Variants in HECTD2 observed in about 807,000 individuals in gnomAD.
HECTD2 encodes the protein HECT domain E3 ubiquitin protein ligase 2.
In HECTD2, 35 loss-of-function variants were observed where a neutral mutation model predicts 103.2. That is an observed-to-expected ratio of 0.34 (90% CI 0.26 to 0.45). The LOEUF is 0.45. Among genes scored for constraint, HECTD2 ranks in the 20% least tolerant of loss-of-function variants. The probability of loss-of-function intolerance (pLI) is 1.00; values close to 1 mark genes in which losing one functional copy is unlikely to be tolerated. For missense variants in HECTD2, 596 were observed against 937.4 expected, an observed-to-expected ratio of 0.64 and a Z score of 4.76; for synonymous variants, 281 against 329.9, an observed-to-expected ratio of 0.85 and a Z score of 1.61.
intron 5 of HECTD2, among the ~76,000 whole-genome samples, chr10:91,471,594 TGAA>T (rs1179160380): frequency 6.6e-6 from 1 of 152,130 alleles, no homozygotes; most frequent in African/African-American, 2.4e-5. Context: ...CTCCTAGACA[TGAA>T]GAACAATTTC....
At chr10:91,411,996 C>G (rs1842930478) in intron 1 of HECTD2, among the ~76,000 whole-genome samples, 1 of 136,844 alleles carries the variant, frequency 7.3e-6, no homozygotes, top group African/African-American at 3.7e-5. Flanking sequence ...TCCCAAAAAC[C>G]TATTCATCTC....
chr10:91,504,950 A>G (rs553672677), intron 20 of HECTD2, among the ~76,000 whole-genome samples: 2 of 152,348 alleles, frequency 1.3e-5, no homozygotes, highest in East Asian at 1.9e-4. Context: ...CCTACAAGCC[A>G]GAAGAGAGTG....
chr10:91,456,394 A>G (rs1845094679), intron 2 of HECTD2, among the ~76,000 whole-genome samples: 1 of 152,152 alleles, frequency 6.6e-6, no homozygotes, highest in Admixed American at 6.5e-5. Flanking sequence ...ATTGGTGTAT[A>G]AGAATGCTTG....
chr10:91,423,359 G>A lies in HECTD2; in HGVS notation c.139-1922G>A, dbSNP rs149999458. 8.1e-4 allele frequency among the ~76,000 whole-genome samples: 124 copies of A among 152,204 alleles called. 1 individual carries two copies. The highest frequency in any genetic ancestry group is 2.7e-3 in the African/African-American group (112 of 41,524). ...GGAATGTTATAATGTATTAAAGTAG[G>A]TACTGTAGTAGTAGGTGTATAACAA... On this transcript the variant is annotated intron_variant, in intron 1 of 20. Coordinates refer to ENST00000298068, the MANE Select transcript of HECTD2 (RefSeq NM_182765.6).
chr10:91,430,692 G>C (rs567989752), intron 2 of HECTD2, among the ~76,000 whole-genome samples: 3 of 152,036 alleles, frequency 2.0e-5, no homozygotes, highest in Non-Finnish European at 4.4e-5. Flanking sequence ...TCAGAGACTA[G>C]GATTGCAACC....
chr10:91,461,986 T>G, intron 4 of HECTD2, 109 bp from the exon 5 acceptor site: 1 of 807,318 alleles, frequency 1.2e-6, no homozygotes, highest in Middle Eastern at 2.6e-4. Context: ...TCTTTTTTAT[T>G]ATCAGACTAA....
intron 19 of HECTD2, 81 bp from the exon 20 acceptor site, chr10:91,501,110 T>C: frequency 1.6e-6 from 2 of 1,238,836 alleles, no homozygotes; most frequent in Non-Finnish European, 2.3e-6. Context: ...GAAAGTCCTT[T>C]CCTTAGAGCT....
At chr10:91,468,880 G>A (rs1249654031) in intron 5 of HECTD2, among the ~76,000 whole-genome samples, 1 of 146,582 alleles carries the variant, frequency 6.8e-6, no homozygotes, top group Non-Finnish European at 1.5e-5. Flanking sequence ...AAACTGTGGT[G>A]AGCTATGATT....
Position 91,513,708 on chromosome 10 carries a change from C to T in HECTD2, c.*1324C>T, listed in dbSNP as rs1280548442. 6.6e-6 allele frequency: 1 copy of T among 152,426 alleles called. No individual in the cohort carries two copies. Among genetic ancestry groups the T allele is most frequent in the Admixed American group, 6.6e-5 (1 of 15,250 alleles). The allele number at this position is 152,426 out of a possible 1,614,324, so 9.4% of individuals were successfully genotyped here. Reference sequence around the variant, plus strand: ...GTTATATTTGCAATAATAATGAAACCAGCATTTAGTACCAGCATATGGTTC... The same window carrying T: ...GTTATATTTGCAATAATAATGAAACTAGCATTTAGTACCAGCATATGGTTC... On this transcript the variant is annotated 3_prime_UTR_variant, in exon 21 of 21. Coordinates refer to ENST00000298068, the MANE Select transcript of HECTD2 (RefSeq NM_182765.6).
chr10:91,449,503 C>T (rs1844699419), intron 2 of HECTD2, among the ~76,000 whole-genome samples: 3 of 152,142 alleles, frequency 2.0e-5, no homozygotes, highest in African/African-American at 7.2e-5. Context: ...GACGCCCTCT[C>T]TTACTACTCC....
chr10:91,410,009 G>T (rs1842845330), upstream of HECTD2, among the ~76,000 whole-genome samples: 1 of 152,324 alleles, frequency 6.6e-6, no homozygotes, highest in Non-Finnish European at 1.5e-5. Context: ...CCGACTGCCC[G>T]TCCTTAGTCC....
At chr10:91,470,320 A>G (rs906177128) in intron 5 of HECTD2, among the ~76,000 whole-genome samples, 1 of 152,218 alleles carries the variant, frequency 6.6e-6, no homozygotes, top group Non-Finnish European at 1.5e-5. Context: ...TCATAAAACA[A>G]TTCTCAGCAA....
intron 1 of HECTD2, among the ~76,000 whole-genome samples, chr10:91,422,104 T>C (rs564979580): frequency 1.3e-5 from 2 of 152,278 alleles, no homozygotes; most frequent in Non-Finnish European, 2.9e-5. Context: ...GATATGATCA[T>C]GTCATATCTT....
At chr10:91,425,235 A>T (rs748694310) in intron 1 of HECTD2, 46 bp from the exon 2 acceptor site, 1 of 1,347,108 alleles carries the variant, frequency 7.4e-7, no homozygotes, top group South Asian at 2.1e-5. Context: ...AAAATAATTT[A>T]TAGGTAGTAG....
chr10:91,492,149 C>G (rs1159730071), intron 12 of HECTD2, among the ~76,000 whole-genome samples: 1 of 152,164 alleles, frequency 6.6e-6, no homozygotes, highest in Non-Finnish European at 1.5e-5. Context: ...CCTGACCTCT[C>G]TAATTCTGTT....
intron 2 of HECTD2, among the ~76,000 whole-genome samples, chr10:91,449,625 G>T (rs1157161432): frequency 2.0e-5 from 3 of 152,190 alleles, no homozygotes; most frequent in South Asian, 2.1e-4. Flanking sequence ...TGACATGATT[G>T]TATATTTAGA....
In HECTD2 at chr10:91,501,325, C is replaced by T. The variant is rs1436573255; in HGVS notation, c.2201C>T (p.Ser734Phe). ...LNFKISKNET[S>F]TNCLPVAHTC... ...TTTAAAATCTCAAAGAATGAAACTTCTACTAACTGGTAAATTTCTGGATCT... is the reference window on the plus strand; with the variant it reads ...TTTAAAATCTCAAAGAATGAAACTTTTACTAACTGGTAAATTTCTGGATCT... The change falls in exon 20 of 21, where the codon TCT becomes TTT. Residue 734 changes from serine to phenylalanine, a missense_variant. Around this residue, in one of 4 missense-constraint regions of HECTD2, gnomAD observed 69 missense variants for 153.8 expected, o/e 0.45. Transcript: ENST00000298068. The T allele has an allele frequency of 6.3e-7, 1 of 1,586,992 alleles. No individual in the cohort carries two copies. Among genetic ancestry groups the T allele is most frequent in the East Asian group, 2.2e-5 (1 of 44,520 alleles).
chr10:91,412,579 C>T (rs1165391606), intron 1 of HECTD2, among the ~76,000 whole-genome samples: 1 of 149,668 alleles, frequency 6.7e-6, no homozygotes, highest in East Asian at 2.0e-4. Context: ...CTCAGCCTTG[C>T]TTGTGCCTTA....
At chr10:91,471,145 C>T (rs1035183058) in intron 5 of HECTD2, among the ~76,000 whole-genome samples, 29 of 152,270 alleles carry the variant, frequency 1.9e-4, no homozygotes, top group Non-Finnish European at 2.5e-4. Context: ...ACCATTATCC[C>T]TAGGATGCAA....
Sources: gnomAD v4.1 joint callset for allele counts (sites outside exome capture counted in the v4.1 genomes callset) on GRCh38, gnomAD v4.1.1 for gene constraint, gnomAD v4.1.1 regional missense constraint, MANE v1.5 for transcripts, NCBI Gene and HGNC (gene_info 2026-07-23, HGNC 2026-07-21) for gene names.